Variants in UHRF1 observed in about 807,000 individuals in gnomAD.
The protein encoded by UHRF1 is E3 ubiquitin-protein ligase UHRF1.
Under a neutral mutation model 96.5 loss-of-function variants are expected in UHRF1, and 9 were observed. The observed-to-expected ratio is 0.09, with a 90% CI of 0.06 to 0.16. The LOEUF is 0.16. UHRF1 is among the 10% of genes least tolerant of loss of function. The pLI is 1.00. For missense variants in UHRF1, 626 were observed against 1,131.1 expected, an observed-to-expected ratio of 0.55 and a Z score of 6.40; for synonymous variants, 455 against 469.9, an observed-to-expected ratio of 0.97 and a Z score of 0.41.
chr19:4,934,169 G>A (rs559404567), intron 5 of UHRF1, among the ~76,000 whole-genome samples: 1 of 151,288 alleles, frequency 6.6e-6, no homozygotes, highest in East Asian at 1.9e-4. Flanking sequence ...GATTACAGGC[G>A]CCCGCCACCA....
chr19:4,911,775 T>TG (rs1188575980), intron 2 of UHRF1, among the ~76,000 whole-genome samples: 1 of 152,180 alleles, frequency 6.6e-6, no homozygotes, highest in African/African-American at 2.4e-5. Context: ...TGGGGGACTG[T>TG]GGGACCTACT....
chr19:4,937,339 C>T (rs1460839740), intron 5 of UHRF1, among the ~76,000 whole-genome samples: 1 of 135,976 alleles, frequency 7.4e-6, no homozygotes, highest in Non-Finnish European at 1.5e-5. Context: ...ATCTGAGCTG[C>T]TTCCAGGATT....
At chr19:4,941,087 T>C (rs2033381708) in intron 5 of UHRF1, among the ~76,000 whole-genome samples, 1 of 83,890 alleles carries the variant, frequency 1.2e-5, no homozygotes, top group Admixed American at 1.1e-4. Flanking sequence ...TGTGTTTTGT[T>C]TTTTTTTTTT....
At chr19:4,936,521 G>C (rs980642202) in intron 5 of UHRF1, among the ~76,000 whole-genome samples, 1 of 152,184 alleles carries the variant, frequency 6.6e-6, no homozygotes, top group African/African-American at 2.4e-5. Context: ...GGAGCTACCA[G>C]CCTTTGCCAG....
At chr19:4,920,454 T>A (rs2032667403) in intron 2 of UHRF1, among the ~76,000 whole-genome samples, 1 of 151,864 alleles carries the variant, frequency 6.6e-6, no homozygotes, top group African/African-American at 2.4e-5. Context: ...AAAAAGTAAG[T>A]CCCACGTAGC....
intron 5 of UHRF1, among the ~76,000 whole-genome samples, chr19:4,940,935 A>G (rs2033374091): frequency 1.3e-5 from 2 of 150,752 alleles, no homozygotes; most frequent in South Asian, 4.2e-4. Context: ...GGTCTCCCAA[A>G]GTGTTGGAAT....
intron 2 of UHRF1, among the ~76,000 whole-genome samples, chr19:4,925,855 C>G (rs1237304853): frequency 6.7e-6 from 1 of 148,916 alleles, no homozygotes; most frequent in African/African-American, 2.5e-5. Context: ...TGGATGGCCA[C>G]ATTGTGTTGA....
At chr19:4,956,837 C>T (rs1172769289) in intron 16 of UHRF1, 24 bp downstream of exon 16, 2 of 1,547,424 alleles carry the variant, frequency 1.3e-6, no homozygotes, top group Non-Finnish European at 8.8e-7. Context: ...GCCGCGGGAG[C>T]CGGGTGGAAG....
intron 8 of UHRF1, 33 bp from the exon 9 acceptor site, chr19:4,944,310 C>A (rs1190926337): frequency 1.2e-6 from 2 of 1,613,896 alleles, no homozygotes; most frequent in Non-Finnish European, 8.5e-7. Context: ...CCAGGGCTCA[C>A]GCTGTTGTTC....
Position 4,944,057 on chromosome 19 carries a change from G to A in UHRF1, c.1074-75G>A, listed in dbSNP as rs1008514679. ...AGGCGGGGAGAGCCATGTCCGTGGT[G>A]TGTGGGCAGAGGGCACATGTTGGCT... is the stretch of plus-strand genomic sequence containing the variant. On this transcript the variant is annotated intron_variant, in intron 7 of 16. Transcript: ENST00000650932. The A allele has an allele frequency of 3.8e-6, 6 of 1,587,656 alleles. No individual in the cohort carries two copies. The South Asian group carries it at 4.6e-5, about 12-fold the overall frequency.
chr19:4,960,687 G>C lies in UHRF1; in HGVS notation c.2266G>C (p.Val756Leu). Residue 756 changes from valine to leucine, a missense_variant, in exon 17 of 17, where the codon GTG (valine) becomes CTG (leucine). Val to Leu is a conservative substitution (Grantham distance 32). This residue lies in a region of UHRF1 where 84 missense variants were observed against 150.3 expected (regional missense o/e 0.56). Coordinates refer to ENST00000650932, the MANE Select transcript of UHRF1 (RefSeq NM_001048201.3). Reference protein sequence around the residue: ...DCLDRSFRAQVFSCPACRYDL... With the variant: ...DCLDRSFRAQLFSCPACRYDL... ...CCTGGACAGATCCTTTCGGGCACAG[G>C]TGTTCAGCTGCCCTGCCTGCCGCTA... 1 of 1,608,764 alleles carries C rather than the reference G, an allele frequency of 6.2e-7. No individual in the cohort carries two copies. The highest frequency in any genetic ancestry group is 8.5e-7 in the Non-Finnish European group (1 of 1,177,906).
intron 2 of UHRF1, among the ~76,000 whole-genome samples, chr19:4,927,715 T>G (rs2032918571): frequency 6.6e-6 from 1 of 152,208 alleles, no homozygotes. Flanking sequence ...TCATGACTGG[T>G]GGAGGCCAGG....
At chr19:4,958,006 C>T (rs374869197) in intron 16 of UHRF1, among the ~76,000 whole-genome samples, 27 of 152,376 alleles carry the variant, frequency 1.8e-4, no homozygotes, top group African/African-American at 6.5e-4. Context: ...GTCCCGCAGT[C>T]CTCTCAGCCA....
intron 16 of UHRF1, among the ~76,000 whole-genome samples, chr19:4,959,790 C>T (rs1363303089): frequency 6.6e-6 from 1 of 152,166 alleles, no homozygotes; most frequent in African/African-American, 2.4e-5. Flanking sequence ...GCAGCCTCAG[C>T]CTGCCTCCCT....
chr19:4,944,040 A>T, intron 7 of UHRF1, 92 bp from the exon 8 acceptor site: 1 of 1,554,450 alleles, frequency 6.4e-7, no homozygotes, highest in Non-Finnish European at 8.7e-7. Flanking sequence ...CCAGGCGGGG[A>T]GAGCCATGTC....
intron 4 of UHRF1, among the ~76,000 whole-genome samples, chr19:4,932,221 C>T (rs2033075911): frequency 6.6e-6 from 1 of 152,244 alleles, no homozygotes; most frequent in Admixed American, 6.5e-5. Context: ...CCGTGCCCGG[C>T]CATGCCTGGC....
In UHRF1 at chr19:4,930,907, A is replaced by T. The variant is rs1183963226; in HGVS notation, c.569+31A>T. 9 of 1,611,608 alleles carry T rather than the reference A, an allele frequency of 5.6e-6. No individual in the cohort carries two copies. The East Asian group carries it at 2.0e-4, about 36-fold the overall frequency. ...TCATGGCAGGTGGGCGGGCCTGGGT[A>T]TTCAGGCTCTGTGACGCGCATCCTT... On this transcript the variant is annotated intron_variant, in intron 4 of 16. Transcript: ENST00000650932. The surrounding 1 kb of genome is among the most constrained non-coding windows in gnomAD (Gnocchi z 4.4).
upstream of UHRF1, chr19:4,909,159 A>C: frequency 3.0e-6 from 1 of 332,274 alleles, no homozygotes; most frequent in Non-Finnish European, 5.6e-6. Context: ...CCTACTGGTC[A>C]ATGCGTGCGA....
intron 11 of UHRF1, among the ~76,000 whole-genome samples, chr19:4,948,847 G>A (rs1425628739): frequency 6.6e-6 from 1 of 151,724 alleles, no homozygotes; most frequent in African/African-American, 2.4e-5. Flanking sequence ...AAAGAGGCCA[G>A]GCGTGGTGGC....
Sources: allele counts gnomAD v4.1 joint callset (sites outside exome capture counted in the v4.1 genomes callset), GRCh38; gene constraint gnomAD v4.1.1; regional missense constraint gnomAD v4.1.1; non-coding constraint Gnocchi (gnomAD v3.1); transcripts MANE v1.5; gene names NCBI Gene and HGNC (gene_info 2026-07-23, HGNC 2026-07-21).